ABCA9: variants seen among roughly 807,000 people sequenced by gnomAD.
ABCA9 encodes the protein ATP-binding cassette sub-family A member 9.
A neutral mutation model predicts 205.3 loss-of-function variants in ABCA9; 183 were observed. The observed-to-expected ratio is 0.89, with a 90% CI of 0.79 to 1.01. ABCA9 has a LOEUF of 1.01. Among genes scored for constraint, ABCA9 ranks in the 50% least tolerant of loss-of-function variants. The pLI is 0.00. For missense variants in ABCA9, 1,805 were observed against 1,912.4 expected, an observed-to-expected ratio of 0.94 and a Z score of 1.05; for synonymous variants, 651 against 683.3, an observed-to-expected ratio of 0.95 and a Z score of 0.74.
chr17:69,012,750 C>T (rs1159623811), intron 22 of ABCA9, among the ~76,000 whole-genome samples: 1 of 152,106 alleles, frequency 6.6e-6, no homozygotes, highest in Non-Finnish European at 1.5e-5. Context: ...CAATTATACT[C>T]TTTTAGTTAT....
chr17:69,029,253 A>T, intron 10 of ABCA9, 26 bp from the exon 11 acceptor site: 1 of 1,440,718 alleles, frequency 6.9e-7, no homozygotes, highest in Non-Finnish European at 9.6e-7. Context: ...AAATGTTTTC[A>T]GAGAATTGTA....
chr17:68,976,314 G>T, intron 37 of ABCA9, 124 bp from the exon 38 acceptor site: 1 of 807,964 alleles, frequency 1.2e-6, no homozygotes, highest in South Asian at 1.7e-5. Flanking sequence ...AGTATTCTTA[G>T]ACTAAATATG....
the ABCA9 span, among the ~76,000 whole-genome samples, chr17:69,067,575 AGAAAG>A: frequency 1.4e-4 from 21 of 147,644 alleles, no homozygotes; most frequent in African/African-American, 5.2e-4. Flanking sequence ...AAAAAAAAAA[AGAAAG>A]AGAGAGAGAC....
At chr17:68,999,252 A>T in intron 25 of ABCA9, among the ~76,000 whole-genome samples, 1 of 135,634 alleles carries the variant, frequency 7.4e-6, no homozygotes. Context: ...CATTAGGTAT[A>T]TCTCCCAATG....
chr17:69,077,663 T>C, the ABCA9 span, among the ~76,000 whole-genome samples: 4 of 152,184 alleles, frequency 2.6e-5, no homozygotes, highest in African/African-American at 9.7e-5. Flanking sequence ...CTAGAAATCA[T>C]TGTTTTAAGA....
At chr17:68,985,201 G>C in intron 32 of ABCA9, 73 bp from the exon 33 acceptor site, 4 of 1,553,854 alleles carry the variant, frequency 2.6e-6, no homozygotes, top group Non-Finnish European at 1.8e-6. Flanking sequence ...CAAATCAGGA[G>C]AAACACGACG....
chr17:69,060,142 T>A (rs11657541), intron 1 of ABCA9, among the ~76,000 whole-genome samples: 6 of 151,998 alleles, frequency 3.9e-5, no homozygotes, highest in Admixed American at 1.3e-4. Context: ...AAGACTGATT[T>A]TTCCCCCCAC....
At chr17:68,983,433 C>T (rs1371395659) in intron 36 of ABCA9, among the ~76,000 whole-genome samples, 1 of 152,060 alleles carries the variant, frequency 6.6e-6, no homozygotes, top group Non-Finnish European at 1.5e-5. Context: ...CTAGAAGGAA[C>T]CCCTGAGATG....
the ABCA9 span, among the ~76,000 whole-genome samples, chr17:69,070,662 T>C: frequency 6.6e-6 from 1 of 152,108 alleles, no homozygotes; most frequent in African/African-American, 2.4e-5. Context: ...CAAAGCTGGA[T>C]GGCCATTTGG....
At chr17:68,992,332 T>A in intron 27 of ABCA9, 66 bp from the exon 28 acceptor site, 4 of 1,027,990 alleles carry the variant, frequency 3.9e-6, no homozygotes, top group Non-Finnish European at 5.5e-6. Context: ...ATATTGGAAT[T>A]GATTTAAAGA....
At chr17:69,051,426 G>A (rs2071898289) in intron 1 of ABCA9, 2 of 334,006 alleles carry the variant, frequency 6.0e-6, no homozygotes, top group Non-Finnish European at 1.1e-5. Context: ...TGTGGGTGTT[G>A]TTAAATTGTC....
rs1419503619 is a variant in ABCA9 at position 69,021,738 on chromosome 17, T to C, written c.2401+4A>G. On this transcript the variant is annotated splice_donor_region_variant and intron_variant, in intron 18 of 38. Transcript: ENST00000340001. ...CTTTCTTTCTCTTTCTTATTTTTTC[T>C]TACCTGATTCATCAATAGTTGATTT... The C allele has an allele frequency of 1.3e-6, 2 of 1,537,950 alleles. No individual in the cohort carries two copies. The highest frequency in any genetic ancestry group is 1.8e-6 in the Non-Finnish European group (2 of 1,131,730).
intron 31 of ABCA9, among the ~76,000 whole-genome samples, chr17:68,988,064 C>A (rs2069306062): frequency 6.6e-6 from 1 of 152,154 alleles, no homozygotes; most frequent in Non-Finnish European, 1.5e-5. Context: ...GTGCCCGGAC[C>A]TCATTTGCAT....
intron 25 of ABCA9, among the ~76,000 whole-genome samples, chr17:69,004,244 T>C (rs1360221549): frequency 6.6e-6 from 1 of 152,224 alleles, no homozygotes; most frequent in Non-Finnish European, 1.5e-5. Context: ...CCCATCTTTG[T>C]GGTTTTATCT....
intron 23 of ABCA9, among the ~76,000 whole-genome samples, chr17:69,009,272 G>A (rs2070282007): frequency 6.6e-6 from 1 of 152,192 alleles, no homozygotes; most frequent in Non-Finnish European, 1.5e-5. Flanking sequence ...GAAACGAATT[G>A]TAACTCGGGG....
chr17:69,037,261 C>A (rs1191867184), intron 6 of ABCA9, among the ~76,000 whole-genome samples: 1 of 152,158 alleles, frequency 6.6e-6, no homozygotes, highest in Non-Finnish European at 1.5e-5. Flanking sequence ...ACAGAATATA[C>A]TTTCTTCTCA....
intron 22 of ABCA9, among the ~76,000 whole-genome samples, 161 bp downstream of exon 22, chr17:69,016,092 A>ATGTG (rs372014674): frequency 2.2e-5 from 2 of 90,010 alleles, no homozygotes; most frequent in African/African-American, 7.0e-5. Context: ...ACAGATTTAT[A>ATGTG]TGTGTGTGTG....
chr17:68,986,933 TAAAC>T (rs1426349952), intron 31 of ABCA9, among the ~76,000 whole-genome samples: 5 of 152,078 alleles, frequency 3.3e-5, no homozygotes, highest in African/African-American at 9.7e-5. Context: ...AACTAAGAAA[TAAAC>T]AAAAAACTTT....
chr17:69,063,244 C>T (rs527934823), upstream of ABCA9, among the ~76,000 whole-genome samples: 4 of 152,278 alleles, frequency 2.6e-5, no homozygotes, highest in African/African-American at 9.6e-5. Flanking sequence ...CCTTTTGCTT[C>T]ATTTATTTTG....
Sources: gnomAD v4.1 joint callset for allele counts (sites outside exome capture counted in the v4.1 genomes callset) on GRCh38, gnomAD v4.1.1 for gene constraint, MANE v1.5 for transcripts, NCBI Gene and HGNC (gene_info 2026-07-23, HGNC 2026-07-21) for gene names.